The following PAK6 variants were observed in gnomAD, a reference collection of about 807,000 sequenced individuals.
PAK6 encodes the protein serine/threonine-protein kinase PAK 6.
A neutral mutation model predicts 60.8 loss-of-function variants in PAK6; 33 were observed. The ratio of observed to expected loss-of-function variants is 0.54; its 90% confidence interval spans 0.41 to 0.73. The LOEUF (loss-of-function observed/expected upper bound fraction) is 0.73. Among genes scored for constraint, PAK6 ranks in the 30% least tolerant of loss-of-function variants. PAK6 has a pLI of 0.00. For missense variants in PAK6, 845 were observed against 904.1 expected (o/e 0.93, Z 0.84); for synonymous variants, 404 against 378.5 (o/e 1.07, Z -0.78).
chr15:40,249,083 G>C (rs550059132), intron 2 of PAK6, among the ~76,000 whole-genome samples: 83 of 152,304 alleles, frequency 5.4e-4, no homozygotes, highest in Non-Finnish European at 6.6e-4. Context: ...TGTCTGGTGA[G>C]GGCCTGCTTC....
At chr15:40,272,170 G>T (rs1036238754) in intron 5 of PAK6, 54 bp from the exon 6 acceptor site, 3 of 1,557,268 alleles carry the variant, frequency 1.9e-6, no homozygotes, top group South Asian at 1.2e-5. Flanking sequence ...CTCCGGGAAG[G>T]TTATTCCAAA....
chr15:40,268,949 CAGGGTTATG>C (rs1566855991), intron 5 of PAK6, among the ~76,000 whole-genome samples: 1 of 152,224 alleles, frequency 6.6e-6, no homozygotes, highest in African/African-American at 2.4e-5. Context: ...AAACAACCCA[CAGGGTTATG>C]AGGATTACAT....
intron 8 of PAK6, 37 bp downstream of exon 8, chr15:40,273,509 C>CACTT (rs754560827): frequency 6.2e-7 from 1 of 1,613,782 alleles, no homozygotes; most frequent in South Asian, 1.1e-5. Context: ...GCCACGCTCC[C>CACTT]ACTTCCTCCT....
At chr15:40,274,271 C>G (rs371992889) in exon 10 of PAK6, 4 of 1,605,544 alleles carry the variant, frequency 2.5e-6, no homozygotes, top group Non-Finnish European at 3.4e-6. Context: ...GAAAAACTCT[C>G]ACAAGGTCAG....
chr15:40,273,207 T>C, intron 7 of PAK6, 139 bp from the exon 8 acceptor site: 1 of 1,193,242 alleles, frequency 8.4e-7, no homozygotes, highest in Non-Finnish European at 1.2e-6. Flanking sequence ...TCACCAGGGC[T>C]ATGGCCTGAC....
exon 5 of PAK6, chr15:40,266,432 C>T: frequency 6.2e-7 from 1 of 1,613,086 alleles, no homozygotes; most frequent in Non-Finnish European, 8.5e-7. Flanking sequence ...GAAGCATGTT[C>T]CTGTCCACTG....
chr15:40,248,082 C>G (rs1393437843), intron 2 of PAK6, among the ~76,000 whole-genome samples: 1 of 152,214 alleles, frequency 6.6e-6, no homozygotes, highest in African/African-American at 2.4e-5. Context: ...CATCAGGAAA[C>G]TGAGGCCAGA....
chr15:40,263,361 A>C, intron 3 of PAK6, among the ~76,000 whole-genome samples: 1 of 152,146 alleles, frequency 6.6e-6, no homozygotes, highest in Non-Finnish European at 1.5e-5. Flanking sequence ...TCAGATCCAA[A>C]AGCATTCAAG....
intron 2 of PAK6, chr15:40,252,268 T>C (rs780852906): frequency 3.3e-6 from 4 of 1,205,650 alleles, no homozygotes; most frequent in Non-Finnish European, 4.2e-6. Context: ...AACGAGGTGA[T>C]TACACACAGC....
At chr15:40,264,924 C>T in exon 4 of PAK6, 3 of 1,613,818 alleles carry the variant, frequency 1.9e-6, no homozygotes, top group Non-Finnish European at 2.5e-6. Flanking sequence ...CCTGGACACA[C>T]TGCGGCGCCC....
At chr15:40,266,638 C>T in intron 5 of PAK6, 143 bp downstream of exon 5, 1 of 735,868 alleles carries the variant, frequency 1.4e-6, no homozygotes, top group East Asian at 2.9e-5. Context: ...GCACGGTAAC[C>T]TCTTCTCTAA....
At chr15:40,248,607 T>C (rs2038562499) in intron 2 of PAK6, among the ~76,000 whole-genome samples, 1 of 152,176 alleles carries the variant, frequency 6.6e-6, no homozygotes, top group Non-Finnish European at 1.5e-5. Context: ...GCCTAGCACC[T>C]GATTCCTAGC....
chr15:40,252,409 G>C, intron 2 of PAK6: 2 of 1,349,488 alleles, frequency 1.5e-6, no homozygotes, highest in Non-Finnish European at 2.0e-6. Context: ...CTGGGGCCAA[G>C]CAGGTGGAGA....
Position 40,276,071 on chromosome 15 carries a change from C to T in PAK6, c.2023C>T (p.Arg675Ter), listed in dbSNP as rs751339079. 33 of 1,613,722 alleles carry T rather than the reference C, an allele frequency of 2.0e-5. No homozygotes were observed. The highest frequency in any genetic ancestry group is 8.9e-5 in the East Asian group (4 of 44,888). Residue 675 changes from arginine to a stop codon, truncating the protein, a stop_gained, in exon 11 of 11, where the codon CGA becomes TGA. Transcript: ENST00000560346. LOFTEE classifies it high-confidence loss of function. ...CCTGGTGCCCCTGATCCAGCTCTAC[C>T]GAAAGCAGACCTCCACCTGCTGAGC... is the stretch of plus-strand genomic sequence containing the variant.
exon 7 of PAK6, chr15:40,272,912 A>G (rs1328831566): frequency 7.4e-6 from 12 of 1,614,104 alleles, no homozygotes; most frequent in South Asian, 2.2e-5. Flanking sequence ...GTGGAGATGT[A>G]CAAGAGCTAC....
chr15:40,273,746 C>T (rs1467710053), intron 9 of PAK6, 70 bp downstream of exon 9: 2 of 1,567,324 alleles, frequency 1.3e-6, no homozygotes, highest in Non-Finnish European at 1.7e-6. Context: ...CTGCTGTGGC[C>T]CCTCCAGTGA....
At chr15:40,260,007 CT>C (rs1375556198) in intron 3 of PAK6, 1 of 152,058 alleles carries the variant, frequency 6.6e-6, no homozygotes, top group Non-Finnish European at 1.5e-5. Flanking sequence ...TAAAAACCCC[CT>C]ACCCCTAATC....
chr15:40,255,273 A>G (rs183197348), intron 3 of PAK6, among the ~76,000 whole-genome samples: 6 of 152,202 alleles, frequency 3.9e-5, no homozygotes, highest in African/African-American at 1.4e-4. Flanking sequence ...GTATTCTTTT[A>G]AACAGCAGCC....
exon 4 of PAK6, chr15:40,264,880 A>G: frequency 6.2e-7 from 1 of 1,613,958 alleles, no homozygotes; most frequent in Non-Finnish European, 8.5e-7. Context: ...AAAGAAGGCA[A>G]GTTTGTGGGC....
Sources: gnomAD v4.1 joint callset for allele counts (sites outside exome capture counted in the v4.1 genomes callset) on GRCh38, gnomAD v4.1.1 for gene constraint, MANE v1.5 for transcripts, NCBI Gene and HGNC (gene_info 2026-07-23, HGNC 2026-07-21) for gene names.